Variants in MXI1 observed in about 807,000 individuals in gnomAD.
MXI1 encodes the protein max-interacting protein 1.
A neutral mutation model predicts 36.9 loss-of-function variants in MXI1; 18 were observed. The observed-to-expected ratio is 0.49, with a 90% CI of 0.34 to 0.72. The LOEUF (loss-of-function observed/expected upper bound fraction) is 0.72. Among genes scored for constraint, MXI1 ranks in the 30% least tolerant of loss-of-function variants. MXI1 has a pLI of 0.01. For missense variants in MXI1, 304 were observed against 379.1 expected, an observed-to-expected ratio of 0.80 and a Z score of 1.64; for synonymous variants, 160 against 146.7, an observed-to-expected ratio of 1.09 and a Z score of -0.65.
rs1186470996 is a variant in MXI1, at chr10:110,284,612, C to T, written c.725-212C>T. ...GGCGTCAAAGGATTTAGGAAATTTG[C>T]TGCCTAAATTAAGACCACCACTGTA... On this transcript the variant is annotated intron_variant, in intron 5 of 5. Coordinates refer to ENST00000332674, the MANE Select transcript of MXI1 (RefSeq NM_130439.3). Among the ~76,000 whole-genome samples, 4 of 152,154 alleles carry T rather than the reference C, an allele frequency of 2.6e-5. No homozygotes were observed. In the East Asian group the frequency reaches 7.7e-4, roughly 29 times the overall value.
intron 2 of MXI1, among the ~76,000 whole-genome samples, chr10:110,236,516 C>T (rs1166824890): frequency 6.6e-6 from 1 of 152,070 alleles, no homozygotes. Flanking sequence ...AGTGCAGTGG[C>T]ATGATCATGG....
At chr10:110,259,416 G>T (rs946542176) in intron 3 of MXI1, among the ~76,000 whole-genome samples, 1 of 152,004 alleles carries the variant, frequency 6.6e-6, no homozygotes, top group Non-Finnish European at 1.5e-5. Flanking sequence ...TAGACTTTAA[G>T]GCAATATGTT....
chr10:110,207,899 G>GCCGCGCCCCAGCCCCCGGCCCTGC lies in MXI1; in HGVS notation c.95_118dup (p.Ala32_Pro39dup). 1 of 1,400,178 alleles carries GCCGCGCCCCAGCCCCCGGCCCTGC rather than the reference G, an allele frequency of 7.1e-7. No homozygotes were observed. Among genetic ancestry groups the GCCGCGCCCCAGCCCCCGGCCCTGC allele is most frequent in the Non-Finnish European group, 9.3e-7 (1 of 1,070,446 alleles). The allele number at this position is 1,400,178 out of a possible 1,614,324, so 86.7% of individuals were successfully genotyped here. On this transcript the variant is annotated inframe_insertion, in exon 1 of 6. Transcript: ENST00000332674. ...GCCCCCGGCTGTGCCCCCCGCCGTG[G>GCCGCGCCCCAGCCCCCGGCCCTGC]CCGCGCCCCAGCCCCCGGCCCTGCC...
chr10:110,224,613 G>A (rs902750372), intron 1 of MXI1, among the ~76,000 whole-genome samples: 1 of 151,266 alleles, frequency 6.6e-6, no homozygotes, highest in Non-Finnish European at 1.5e-5. Context: ...AAAGAGAGTG[G>A]CCATGAATGA....
At chr10:110,279,856 C>A in intron 4 of MXI1, 58 bp from the exon 5 acceptor site, 1 of 1,279,148 alleles carries the variant, frequency 7.8e-7, no homozygotes, top group South Asian at 1.8e-5. Flanking sequence ...AAGGAGGAAT[C>A]AGTTTTATTG....
At chr10:110,274,266 T>C (rs1265043446) in intron 3 of MXI1, among the ~76,000 whole-genome samples, 1 of 152,328 alleles carries the variant, frequency 6.6e-6, no homozygotes, top group East Asian at 1.9e-4. Context: ...GTGTGGTTAA[T>C]TTTGATAGGA....
In MXI1 at chr10:110,280,460, C is replaced by G. The variant is rs1264443104; in HGVS notation, c.724+375C>G. Among the ~76,000 whole-genome samples the G allele has an allele frequency of 2.6e-5, 4 of 151,704 alleles. No homozygotes were observed. The East Asian group carries it at 7.7e-4, about 29-fold the overall frequency. On this transcript the variant is annotated intron_variant, in intron 5 of 5. Transcript: ENST00000332674. ...CTCTGGGAGGCCAAGGCGGGCAGATCACAAGGTCAGGAGATCGAGGCCATC... is the reference window on the plus strand; with the variant it reads ...CTCTGGGAGGCCAAGGCGGGCAGATGACAAGGTCAGGAGATCGAGGCCATC...
intron 3 of MXI1, among the ~76,000 whole-genome samples, chr10:110,266,622 A>T (rs547987186): frequency 1.3e-5 from 2 of 152,282 alleles, no homozygotes; most frequent in South Asian, 4.1e-4. Context: ...CTTAGAGGTC[A>T]TTGTGTTTTG....
chr10:110,280,516 T>C (rs1857200557), intron 5 of MXI1, among the ~76,000 whole-genome samples: 1 of 151,752 alleles, frequency 6.6e-6, no homozygotes, highest in Non-Finnish European at 1.5e-5. Context: ...CTGTCTCTAC[T>C]AAAAATACAA....
chr10:110,224,750 C>A (rs1457112442), intron 1 of MXI1, among the ~76,000 whole-genome samples: 1 of 151,452 alleles, frequency 6.6e-6, no homozygotes, highest in South Asian at 2.1e-4. Context: ...CGGGTTCAAG[C>A]GATTCTCGTG....
chr10:110,224,801 C>T (rs1428570351), intron 1 of MXI1, among the ~76,000 whole-genome samples: 2 of 152,128 alleles, frequency 1.3e-5, no homozygotes, highest in African/African-American at 2.4e-5. Context: ...GCACCCGCCA[C>T]CATGCCCGGC....
intron 1 of MXI1, 52 bp from the exon 2 acceptor site, chr10:110,228,137 G>A (rs1855128649): frequency 5.0e-6 from 8 of 1,597,398 alleles, no homozygotes; most frequent in Non-Finnish European, 6.8e-6. Context: ...TGGGTCAATG[G>A]ATTTGGGTAC....
intron 3 of MXI1, among the ~76,000 whole-genome samples, chr10:110,253,248 T>G (rs1441389594): frequency 6.6e-6 from 1 of 152,120 alleles, no homozygotes; most frequent in East Asian, 1.9e-4. Flanking sequence ...TTGGACACGA[T>G]AATGAATGCA....
intron 3 of MXI1, chr10:110,257,788 G>A: frequency 5.9e-6 from 2 of 340,518 alleles, no homozygotes; most frequent in South Asian, 3.0e-5. Flanking sequence ...TACTTTATAA[G>A]AACCAGTGGA....
chr10:110,238,209 G>A (rs566215197), intron 2 of MXI1, among the ~76,000 whole-genome samples: 5 of 152,170 alleles, frequency 3.3e-5, no homozygotes, highest in Admixed American at 1.3e-4. Context: ...TCAATTCCCA[G>A]TACTTCTCTC....
chr10:110,232,349 C>G (rs554351401), intron 2 of MXI1, among the ~76,000 whole-genome samples: 3 of 152,250 alleles, frequency 2.0e-5, no homozygotes, highest in East Asian at 3.9e-4. Context: ...CTTTCTGTTC[C>G]CTGCAGGGAA....
chr10:110,264,961 T>G (rs1856638286), intron 3 of MXI1, among the ~76,000 whole-genome samples: 1 of 152,132 alleles, frequency 6.6e-6, no homozygotes. Flanking sequence ...ATGGTGGTCC[T>G]CGATGGAGAA....
intron 2 of MXI1, among the ~76,000 whole-genome samples, chr10:110,240,124 T>G (rs1231915280): frequency 6.6e-6 from 1 of 152,148 alleles, no homozygotes. Context: ...TTCTCATTGC[T>G]GTGTAATATT....
intron 1 of MXI1, chr10:110,227,581 G>GT (rs1470991551): frequency 2.0e-6 from 2 of 978,444 alleles, no homozygotes; most frequent in Admixed American, 6.1e-5. Context: ...ACGGATGCTG[G>GT]GGGGGGTCAG....
Sources: allele counts gnomAD v4.1 joint callset (sites outside exome capture counted in the v4.1 genomes callset), GRCh38; gene constraint gnomAD v4.1.1; transcripts MANE v1.5; gene names NCBI Gene and HGNC (gene_info 2026-07-23, HGNC 2026-07-21).